CSMD3: variants seen among roughly 807,000 people sequenced by gnomAD.
CSMD3 encodes the protein CUB and sushi domain-containing protein 3.
CSMD3 carries 177 observed loss-of-function variants against 435.2 expected under a neutral mutation model. That is an observed-to-expected ratio of 0.41 (90% CI 0.36 to 0.46). The LOEUF (loss-of-function observed/expected upper bound fraction) is 0.46, where lower values mean the gene tolerates loss of function less well. Among genes scored for constraint, CSMD3 ranks in the 20% least tolerant of loss-of-function variants. The pLI, the probability that CSMD3 is intolerant of heterozygous loss-of-function variation, is 0.34. For synonymous variants in CSMD3, 1,656 were observed against 1,520.5 expected (o/e 1.09, Z -2.07); for missense variants, 4,265 against 4,504.6 (o/e 0.95, Z 1.52).
chr8:113,026,365 T>C (rs1241370299), intron 5 of CSMD3, among the ~76,000 whole-genome samples: 5 of 152,214 alleles, frequency 3.3e-5, no homozygotes, highest in Non-Finnish European at 7.4e-5. Context: ...TGTGGTGAAG[T>C]ATCCAGCATA....
intron 49 of CSMD3, 130 bp from the exon 50 acceptor site, chr8:112,311,296 A>G: frequency 1.4e-6 from 1 of 729,668 alleles, no homozygotes; most frequent in Non-Finnish European, 2.4e-6. Flanking sequence ...TTTACTTCAT[A>G]TGAACAACAT....
chr8:112,341,446 A>G, intron 42 of CSMD3, 31 bp downstream of exon 42: 1 of 1,372,972 alleles, frequency 7.3e-7, no homozygotes, highest in Non-Finnish European at 1.0e-6. Flanking sequence ...TTGGGGTTAT[A>G]TAAATTTTCA....
chr8:113,082,963 CA>C (rs2089626372), intron 5 of CSMD3, among the ~76,000 whole-genome samples: 1 of 152,056 alleles, frequency 6.6e-6, no homozygotes, highest in Non-Finnish European at 1.5e-5. Context: ...ATTAAGCAAA[CA>C]AATATTCACC....
chr8:112,931,293 C>A (rs1203250301), intron 9 of CSMD3, among the ~76,000 whole-genome samples: 1 of 151,824 alleles, frequency 6.6e-6, no homozygotes, highest in African/African-American at 2.4e-5. Context: ...ATTAAACTAT[C>A]CTGATTTAAA....
intron 13 of CSMD3, among the ~76,000 whole-genome samples, chr8:112,771,084 C>G (rs2078101623): frequency 6.6e-6 from 1 of 152,010 alleles, no homozygotes; most frequent in South Asian, 2.1e-4. Context: ...CATATACCTT[C>G]AACATTAATT....
At chr8:112,911,557 T>C (rs1377358316) in intron 10 of CSMD3, among the ~76,000 whole-genome samples, 7 of 151,682 alleles carry the variant, frequency 4.6e-5, no homozygotes, top group Non-Finnish European at 8.8e-5. Flanking sequence ...TCCTCCGGGT[T>C]CATCTATGTT....
intron 3 of CSMD3, among the ~76,000 whole-genome samples, chr8:113,236,439 A>T (rs149761389): frequency 7.2e-4 from 109 of 152,282 alleles, no homozygotes; most frequent in African/African-American, 2.4e-3. Context: ...GCCTACCAGC[A>T]GCACAATAAG....
intron 4 of CSMD3, among the ~76,000 whole-genome samples, chr8:113,167,554 A>C (rs2092177425): frequency 6.6e-6 from 1 of 152,206 alleles, no homozygotes; most frequent in African/African-American, 2.4e-5. Context: ...TTATAACACA[A>C]ATGTACTTTT....
At chr8:112,830,613 C>A (rs937742904) in intron 11 of CSMD3, among the ~76,000 whole-genome samples, 2 of 151,740 alleles carry the variant, frequency 1.3e-5, no homozygotes, top group African/African-American at 4.8e-5. Context: ...TAATTTATAA[C>A]AAAATATTAT....
intron 4 of CSMD3, among the ~76,000 whole-genome samples, chr8:113,113,859 C>T (rs185159165): frequency 6.6e-6 from 1 of 152,232 alleles, no homozygotes; most frequent in East Asian, 1.9e-4. Context: ...AATTTCTACC[C>T]AAACTAGTTA....
intron 13 of CSMD3, among the ~76,000 whole-genome samples, chr8:112,751,534 C>T (rs963035283): frequency 3.3e-5 from 5 of 151,688 alleles, no homozygotes; most frequent in Non-Finnish European, 7.4e-5. Flanking sequence ...ATTTTGATTT[C>T]CTTTTCTTTT....
At chr8:113,203,675 C>A (rs1588269008) in intron 3 of CSMD3, among the ~76,000 whole-genome samples, 1 of 152,170 alleles carries the variant, frequency 6.6e-6, no homozygotes, top group East Asian at 1.9e-4. Flanking sequence ...AACCTTTCTA[C>A]TTCCTCAGTC....
intron 64 of CSMD3, among the ~76,000 whole-genome samples, chr8:112,245,515 T>C (rs908910316): frequency 6.6e-6 from 1 of 152,060 alleles, no homozygotes; most frequent in Non-Finnish European, 1.5e-5. Context: ...GTGCTAAACA[T>C]TGTGTTAAAT....
At chr8:113,279,762 A>G (rs372725917) in intron 2 of CSMD3, among the ~76,000 whole-genome samples, 59 of 151,908 alleles carry the variant, frequency 3.9e-4, no homozygotes, top group African/African-American at 1.4e-3. Flanking sequence ...ACGTTGTATA[A>G]TTGATTTAAA....
intron 23 of CSMD3, among the ~76,000 whole-genome samples, chr8:112,585,193 A>G (rs2131345007): frequency 1.3e-5 from 2 of 151,690 alleles, no homozygotes; most frequent in Admixed American, 1.3e-4. Context: ...AATAATTCAG[A>G]ATAAATCTCA....
At chr8:112,924,829 T>A (rs2082861269) in intron 9 of CSMD3, among the ~76,000 whole-genome samples, 1 of 152,046 alleles carries the variant, frequency 6.6e-6, no homozygotes, top group African/African-American at 2.4e-5. Context: ...AATACTAACT[T>A]TGCCCTAAAC....
chr8:113,279,977 T>TA lies in CSMD3; in HGVS notation c.402-1274dup, dbSNP rs1263470728. 3.3e-5 allele frequency among the ~76,000 whole-genome samples: 5 copies of TA among 151,962 alleles called. No homozygotes were observed. The Middle Eastern group carries it at 9.5e-3, about 289-fold the overall frequency. ...ATGTGGTGTATCACATTTATTGACT[T>TA]ACGTATGTTAAACCATCCCTGAATC... On this transcript the variant is annotated intron_variant, in intron 2 of 70. Transcript: ENST00000297405.
chr8:112,674,304 G>A (rs770244211), intron 16 of CSMD3, among the ~76,000 whole-genome samples: 1 of 152,104 alleles, frequency 6.6e-6, no homozygotes, highest in Non-Finnish European at 1.5e-5. Flanking sequence ...GGGATGAGGT[G>A]AAAGGTCATA....
At chr8:113,168,400 T>A (rs777003066) in intron 4 of CSMD3, among the ~76,000 whole-genome samples, 1 of 151,234 alleles carries the variant, frequency 6.6e-6, no homozygotes, top group African/African-American at 2.4e-5. Context: ...ACACGCCTGT[T>A]GTCCCAGCTA....
Sources: gnomAD v4.1 joint callset for allele counts (sites outside exome capture counted in the v4.1 genomes callset) on GRCh38, gnomAD v4.1.1 for gene constraint, MANE v1.5 for transcripts, NCBI Gene and HGNC (gene_info 2026-07-23, HGNC 2026-07-21) for gene names.